Variants in CNTN1 observed in about 807,000 individuals in gnomAD.
The protein encoded by CNTN1 is contactin-1.
CNTN1 carries 38 observed loss-of-function variants against 126.4 expected under a neutral mutation model. That is an observed-to-expected ratio of 0.30 (90% CI 0.23 to 0.39). CNTN1 has a LOEUF of 0.39. Ranked by LOEUF, CNTN1 falls within the 10% of genes least tolerant of loss-of-function variation. CNTN1 has a pLI of 1.00. For synonymous variants in CNTN1, 413 were observed against 422.6 expected, an observed-to-expected ratio of 0.98 and a Z score of 0.28; for missense variants, 1,009 against 1,248.4, an observed-to-expected ratio of 0.81 and a Z score of 2.89.
chr12:41,047,550 T>A (rs1008199842), intron 23 of CNTN1, among the ~76,000 whole-genome samples: 1 of 151,988 alleles, frequency 6.6e-6, no homozygotes, highest in Admixed American at 6.6e-5. Context: ...TAAAAAGCTC[T>A]GCTTGGAATC....
chr12:40,855,347 C>T (rs1942867090), intron 1 of CNTN1, among the ~76,000 whole-genome samples: 3 of 151,756 alleles, frequency 2.0e-5, no homozygotes, highest in Admixed American at 2.0e-4. Flanking sequence ...TAATAGTATC[C>T]ATTAGAGTCT....
chr12:40,949,549 TTTC>T (rs1358658476), intron 14 of CNTN1, among the ~76,000 whole-genome samples: 2 of 148,596 alleles, frequency 1.3e-5, no homozygotes, highest in African/African-American at 2.5e-5. Flanking sequence ...TTTTGTGGGT[TTTC>T]TTCTTTTCTT....
At chr12:41,006,704 T>G (rs558504490) in intron 17 of CNTN1, among the ~76,000 whole-genome samples, 2 of 152,342 alleles carry the variant, frequency 1.3e-5, no homozygotes, top group Non-Finnish European at 2.9e-5. Flanking sequence ...ATGTGGCTAT[T>G]CCAAAATGGG....
intron 1 of CNTN1, among the ~76,000 whole-genome samples, chr12:40,778,770 G>C (rs1003707847): frequency 6.6e-6 from 1 of 151,722 alleles, no homozygotes; most frequent in Non-Finnish European, 1.5e-5. Context: ...TTTCCTATAA[G>C]AAATTGGCTC....
intron 1 of CNTN1, among the ~76,000 whole-genome samples, chr12:40,828,844 TCAAA>T (rs1049146672): frequency 3.3e-5 from 5 of 152,198 alleles, no homozygotes; most frequent in Admixed American, 3.3e-4. Flanking sequence ...GACCTTGCTG[TCAAA>T]CAAACCATTT....
At chr12:40,813,078 CCTTCCTTCCTTT>C (rs1941140513) in intron 1 of CNTN1, among the ~76,000 whole-genome samples, 1 of 51,158 alleles carries the variant, frequency 2.0e-5, no homozygotes, top group Non-Finnish European at 4.8e-5. Context: ...TTCCTTCCTT[CCTTCCTTCCTTT>C]CTTTCTCTTT....
chr12:40,737,357 G>GTATATA (rs773215644), intron 1 of CNTN1, among the ~76,000 whole-genome samples: 12,579 of 104,622 alleles, frequency 0.12, 1,039 homozygotes, highest in East Asian at 0.38. Flanking sequence ...ATATGTGTGT[G>GTATATA]TGTATATATA....
At chr12:40,759,437 C>CTCCCCTTCTTCCCTTCCCT (rs1235371032) in intron 1 of CNTN1, among the ~76,000 whole-genome samples, 4 of 151,270 alleles carry the variant, frequency 2.6e-5, no homozygotes, top group African/African-American at 9.7e-5. Flanking sequence ...CTCCCCTCCC[C>CTCCCCTTCTTCCCTTCCCT]TCCCCTTCTT....
intron 1 of CNTN1, among the ~76,000 whole-genome samples, chr12:40,746,783 G>A (rs1938202638): frequency 2.6e-5 from 4 of 151,980 alleles, no homozygotes; most frequent in African/African-American, 9.7e-5. Flanking sequence ...GCCCGCGGAA[G>A]GTCATATACC....
chr12:40,731,537 A>T (rs1024400862), intron 1 of CNTN1, among the ~76,000 whole-genome samples: 2 of 152,012 alleles, frequency 1.3e-5, no homozygotes, highest in Admixed American at 6.6e-5. Context: ...TAAAATGTAC[A>T]TATTCTTTAG....
At chr12:40,718,082 T>C (rs759574618) in intron 1 of CNTN1, among the ~76,000 whole-genome samples, 107 of 152,242 alleles carry the variant, frequency 7.0e-4, no homozygotes, top group Non-Finnish European at 1.2e-3. Flanking sequence ...GACGGATATC[T>C]CTTTCTTAAA....
At chr12:40,914,047 A>G (rs1455142901) in intron 3 of CNTN1, among the ~76,000 whole-genome samples, 2 of 152,094 alleles carry the variant, frequency 1.3e-5, no homozygotes, top group Non-Finnish European at 2.9e-5. Flanking sequence ...TATCTAGTAA[A>G]AAAAAGGAAT....
At chr12:40,918,549 A>AT in intron 3 of CNTN1, 90 bp from the exon 4 acceptor site, 2 of 1,207,432 alleles carry the variant, frequency 1.7e-6, no homozygotes, top group Non-Finnish European at 2.4e-6. Flanking sequence ...TCTGTTTCTG[A>AT]TTTTTTTCAA....
chr12:40,819,987 G>A (rs1420815628), intron 1 of CNTN1, among the ~76,000 whole-genome samples: 2 of 152,212 alleles, frequency 1.3e-5, no homozygotes, highest in African/African-American at 2.4e-5. Context: ...GGTCATGCCA[G>A]CCTTCTAGTC....
rs1349658852 is a variant in CNTN1 at position 41,071,397 on chromosome 12, AGT to A, written c.*1365_*1366del. Reference sequence around the variant, plus strand: ...AATTAGCTGGCTTGTGAAATAGTGCAGTGTTGGATGCTTCAAGAGGTATAATC... The same window carrying A: ...AATTAGCTGGCTTGTGAAATAGTGCAGTTGGATGCTTCAAGAGGTATAATC... On this transcript the variant is annotated 3_prime_UTR_variant, in exon 24 of 24. Transcript: ENST00000551295. 6.6e-6 allele frequency: 1 copy of A among 152,194 alleles called. No individual in the cohort carries two copies. Among genetic ancestry groups the A allele is most frequent in the African/African-American group, 2.4e-5 (1 of 41,450 alleles). The allele number at this position is 152,194 out of a possible 1,614,324, so 9.4% of individuals were successfully genotyped here.
chr12:40,832,075 C>A (rs1941861181), intron 1 of CNTN1, among the ~76,000 whole-genome samples: 1 of 152,060 alleles, frequency 6.6e-6, no homozygotes, highest in South Asian at 2.1e-4. Flanking sequence ...CAAGGTGGGG[C>A]AGGTTATTAG....
intron 17 of CNTN1, among the ~76,000 whole-genome samples, chr12:40,993,763 A>T (rs1948149555): frequency 1.3e-5 from 2 of 152,144 alleles, no homozygotes; most frequent in Non-Finnish European, 2.9e-5. Flanking sequence ...ATAGTGCCAA[A>T]ATTTTAGGTT....
At chr12:40,697,319 C>A (rs566644777) in intron 1 of CNTN1, among the ~76,000 whole-genome samples, 1 of 152,162 alleles carries the variant, frequency 6.6e-6, no homozygotes, top group South Asian at 2.1e-4. Flanking sequence ...AATTGTGTAT[C>A]TAGTTATTCT....
intron 22 of CNTN1, 129 bp from the exon 23 acceptor site, chr12:41,028,934 T>G (rs923408050): frequency 2.2e-6 from 2 of 914,328 alleles, no homozygotes. Context: ...AAATTTAGTT[T>G]TTCCTCTTGT....
Sources: allele counts gnomAD v4.1 joint callset (sites outside exome capture counted in the v4.1 genomes callset), GRCh38; gene constraint gnomAD v4.1.1; transcripts MANE v1.5; gene names NCBI Gene and HGNC (gene_info 2026-07-23, HGNC 2026-07-21).